KCNIP1: variants seen among roughly 807,000 people sequenced by gnomAD.
The protein encoded by KCNIP1 is A-type potassium channel modulatory protein KCNIP1.
KCNIP1 carries 18 observed loss-of-function variants against 33.0 expected under a neutral mutation model. The observed-to-expected ratio is 0.55, with a 90% CI of 0.38 to 0.81. The LOEUF is 0.81. Among genes scored for constraint, KCNIP1 ranks in the 30% least tolerant of loss-of-function variants. KCNIP1 has a pLI of 0.00. For synonymous variants in KCNIP1, 93 were observed against 98.3 expected, an observed-to-expected ratio of 0.95 and a Z score of 0.32; for missense variants, 238 against 271.6, an observed-to-expected ratio of 0.88 and a Z score of 0.87.
chr5:170,603,277 A>G (rs562970719), intron 1 of KCNIP1, among the ~76,000 whole-genome samples: 2 of 152,354 alleles, frequency 1.3e-5, no homozygotes, highest in South Asian at 2.1e-4. Flanking sequence ...GCTGAGCTGA[A>G]TTGCTGCAAA....
intron 1 of KCNIP1, chr5:170,681,440 T>G (rs1236805290): frequency 3.5e-6 from 1 of 286,960 alleles, no homozygotes; most frequent in Non-Finnish European, 6.4e-6. Context: ...TATGAGCATG[T>G]GAGTCTTGAT....
At chr5:170,520,866 A>G (rs11738748) in intron 1 of KCNIP1, among the ~76,000 whole-genome samples, 61,604 of 151,994 alleles carry the variant, frequency 0.41, 12,717 homozygotes, top group African/African-American at 0.48. Context: ...AGTGCTGTTC[A>G]GAACCTGGTT....
intron 1 of KCNIP1, among the ~76,000 whole-genome samples, chr5:170,716,722 T>A (rs1484116032): frequency 6.6e-6 from 1 of 152,226 alleles, no homozygotes; most frequent in Admixed American, 6.5e-5. Context: ...GCATTTTTTA[T>A]GAAGGTGATG....
At chr5:170,426,831 C>G (rs1247301265) in intron 1 of KCNIP1, among the ~76,000 whole-genome samples, 1 of 152,278 alleles carries the variant, frequency 6.6e-6, no homozygotes, top group African/African-American at 2.4e-5. Context: ...GAGAGCCCGC[C>G]TCCCCTACCA....
At chr5:170,555,719 A>T (rs1756821254) in intron 1 of KCNIP1, among the ~76,000 whole-genome samples, 1 of 152,162 alleles carries the variant, frequency 6.6e-6, no homozygotes, top group African/African-American at 2.4e-5. Flanking sequence ...TCATCTGTCA[A>T]ACAGGGATGT....
chr5:170,426,581 C>T (rs1426701286), intron 1 of KCNIP1, among the ~76,000 whole-genome samples: 1 of 152,262 alleles, frequency 6.6e-6, no homozygotes, highest in Non-Finnish European at 1.5e-5. Context: ...ATGGAGCTAT[C>T]AGCCGCATCT....
intron 1 of KCNIP1, among the ~76,000 whole-genome samples, chr5:170,387,439 C>A (rs555609807): frequency 4.5e-4 from 69 of 152,306 alleles, no homozygotes; most frequent in African/African-American, 1.6e-3. Flanking sequence ...CATACCCGGG[C>A]ATCTCCGCTA....
At chr5:170,475,336 G>A (rs1756832300) in intron 1 of KCNIP1, among the ~76,000 whole-genome samples, 1 of 152,132 alleles carries the variant, frequency 6.6e-6, no homozygotes, top group Admixed American at 6.5e-5. Context: ...GCCTCACATT[G>A]ACCAGCTCCT....
At chr5:170,589,597 G>A (rs66535469) in intron 1 of KCNIP1, among the ~76,000 whole-genome samples, 3,929 of 152,238 alleles carry the variant, frequency 0.026, 85 homozygotes, top group Middle Eastern at 0.037. Context: ...CGGAAGGTTG[G>A]GGCACTTTTG....
intron 1 of KCNIP1, among the ~76,000 whole-genome samples, chr5:170,713,297 T>C (rs1280639989): frequency 6.6e-6 from 1 of 152,220 alleles, no homozygotes; most frequent in African/African-American, 2.4e-5. Flanking sequence ...ATAATCAGCT[T>C]CAAGTCCTTT....
chr5:170,732,690 C>G (rs1215564362), intron 5 of KCNIP1, 110 bp from the exon 6 acceptor site: 3 of 694,640 alleles, frequency 4.3e-6, no homozygotes, highest in Non-Finnish European at 7.8e-6. Context: ...AGGACCTCAC[C>G]TTTTAATCAC....
rs1758437023 is a variant in KCNIP1 at position 170,596,271 on chromosome 5, A to C, written c.61+91638A>C. Among the ~76,000 whole-genome samples, 3 of 152,218 alleles carry C rather than the reference A, an allele frequency of 2.0e-5. No homozygotes were observed. In the South Asian group the frequency reaches 6.2e-4, roughly 32 times the overall value. ...TGGTAAGTCAGCACATTTCTCTGTG[A>C]ACACTGATGCCCTGTGCCCATCACA... On this transcript the variant is annotated intron_variant, in intron 1 of 7. Coordinates refer to ENST00000328939, the MANE Select transcript of KCNIP1 (RefSeq NM_014592.4).
intron 1 of KCNIP1, among the ~76,000 whole-genome samples, chr5:170,367,442 AGAAAG>A (rs1272597621): frequency 1.5e-4 from 23 of 150,006 alleles, no homozygotes; most frequent in African/African-American, 3.2e-4. Context: ...AAGAAAGGAA[AGAAAG>A]GAAAGAAAGA....
chr5:170,627,274 A>G (rs1759869185), intron 1 of KCNIP1, among the ~76,000 whole-genome samples: 4 of 152,222 alleles, frequency 2.6e-5, no homozygotes, highest in Admixed American at 2.6e-4. Flanking sequence ...AACATGAGGA[A>G]AAATAAATAA....
chr5:170,626,927 G>A (rs1050041418), intron 1 of KCNIP1, among the ~76,000 whole-genome samples: 8 of 152,170 alleles, frequency 5.3e-5, no homozygotes, highest in South Asian at 2.1e-4. Flanking sequence ...GCTCTCTTGC[G>A]GCTGAGCTGA....
At chr5:170,676,133 C>T (rs1025107620) in intron 1 of KCNIP1, among the ~76,000 whole-genome samples, 3 of 30,438 alleles carry the variant, frequency 9.9e-5, no homozygotes, top group African/African-American at 2.2e-4. Context: ...GCGAGGGAGG[C>T]GGGGGAGGGA....
At chr5:170,408,734 A>G (rs1016329693) in intron 1 of KCNIP1, among the ~76,000 whole-genome samples, 2 of 152,214 alleles carry the variant, frequency 1.3e-5, no homozygotes, top group Non-Finnish European at 2.9e-5. Context: ...GGCTTCTTGA[A>G]GAACGCTTTC....
chr5:170,574,732 C>T (rs1326729969), intron 1 of KCNIP1, among the ~76,000 whole-genome samples: 3 of 152,166 alleles, frequency 2.0e-5, no homozygotes, highest in Non-Finnish European at 4.4e-5. Flanking sequence ...GGAAGGAACC[C>T]ACCCTGGCCA....
At chr5:170,696,516 A>T (rs1561770303) in intron 1 of KCNIP1, among the ~76,000 whole-genome samples, 2 of 152,132 alleles carry the variant, frequency 1.3e-5, no homozygotes, top group Admixed American at 6.5e-5. Flanking sequence ...AGACAGAAAA[A>T]CTTCAGTTTC....
Sources: gnomAD v4.1 joint callset for allele counts (sites outside exome capture counted in the v4.1 genomes callset) on GRCh38, gnomAD v4.1.1 for gene constraint, MANE v1.5 for transcripts, NCBI Gene and HGNC (gene_info 2026-07-23, HGNC 2026-07-21) for gene names.